The following NF1 variants were observed in gnomAD, a reference collection of about 807,000 sequenced individuals.
NF1 encodes neurofibromin 1, also known as neurofibromin.
NF1 carries 122 observed loss-of-function variants against 325.7 expected under a neutral mutation model. The observed-to-expected ratio is 0.37, with a 90% confidence interval of 0.32 to 0.44. The LOEUF (loss-of-function observed/expected upper bound fraction) is 0.44, where lower values mean the gene tolerates loss of function less well. NF1 is among the 20% of genes least tolerant of loss of function. The probability of loss-of-function intolerance (pLI) is 1.00; values close to 1 mark genes in which losing one functional copy is unlikely to be tolerated. For synonymous variants in NF1, 1,091 were observed against 1,186.0 expected, an observed-to-expected ratio of 0.92 and a Z score of 1.65; for missense variants, 2,140 against 3,415.4, an observed-to-expected ratio of 0.63 and a Z score of 9.31.
intron 36 of NF1, among the ~76,000 whole-genome samples, chr17:31,311,537 C>T (rs1420090470): frequency 6.6e-6 from 1 of 152,182 alleles, no homozygotes; most frequent in Non-Finnish European, 1.5e-5. Flanking sequence ...CATTCTGCAT[C>T]TTGAGGAAAA....
chr17:31,255,794 G>T (rs1236922903), intron 31 of NF1, among the ~76,000 whole-genome samples: 1 of 152,154 alleles, frequency 6.6e-6, no homozygotes, highest in Non-Finnish European at 1.5e-5. Flanking sequence ...TTTCAAAGAA[G>T]TATTTTGTCT....
chr17:31,376,945 A>T lies in NF1; in HGVS notation c.*2790A>T, dbSNP rs2070739582. ...TTCATGACTGAGCCAGGTGCCCAGG[A>T]CACATCCTAAACAGTCAGCTTCTAT... On this transcript the variant is annotated 3_prime_UTR_variant, in exon 58 of 58. Transcript: ENST00000358273. 4.3e-6 allele frequency: 1 copy of T among 233,320 alleles called. No homozygotes were observed. The highest frequency in any genetic ancestry group is 6.0e-5 in the East Asian group (1 of 16,604). 14.5% of individuals were successfully genotyped at this position (233,320 alleles called of 1,614,324 possible).
chr17:31,155,866 G>A (rs2065651109), intron 1 of NF1, 117 bp from the exon 2 acceptor site: 1 of 1,129,564 alleles, frequency 8.9e-7, no homozygotes, highest in Non-Finnish European at 1.3e-6. Flanking sequence ...GCAAGTATAG[G>A]TATCTGTGGT....
intron 2 of NF1, among the ~76,000 whole-genome samples, chr17:31,157,831 C>T (rs982123207): frequency 1.4e-5 from 2 of 147,400 alleles, no homozygotes; most frequent in African/African-American, 5.0e-5. Context: ...CGGGGTGTGG[C>T]GGCATGTGCC....
intron 8 of NF1, among the ~76,000 whole-genome samples, chr17:31,196,853 G>T (rs2066442291): frequency 6.6e-6 from 1 of 151,976 alleles, no homozygotes; most frequent in Non-Finnish European, 1.5e-5. Context: ...TATGTGTGAG[G>T]GTTTCTTTCT....
At chr17:31,182,739 T>C in intron 8 of NF1, 74 bp downstream of exon 8, 1 of 1,393,758 alleles carries the variant, frequency 7.2e-7, no homozygotes, top group Non-Finnish European at 1.0e-6. Flanking sequence ...TGTATTACTT[T>C]AGGCTTATTA....
At chr17:31,133,297 C>T (rs769808596) in intron 1 of NF1, 2 of 152,168 alleles carry the variant, frequency 1.3e-5, no homozygotes, top group Non-Finnish European at 2.9e-5. Context: ...AAGGTTAATC[C>T]ACATTGCAGC....
intron 36 of NF1, chr17:31,317,876 T>C (rs1247379151): frequency 1.2e-5 from 2 of 167,192 alleles, no homozygotes; most frequent in African/African-American, 4.8e-5. Context: ...TCTCTATCTA[T>C]GCATTAGGAA....
At position 31,206,243 on chromosome 17, in the gene NF1, G is replaced by A. The variant is rs786202145; in HGVS notation, c.1264G>A (p.Ala422Thr). 5.0e-6 allele frequency: 8 copies of A among 1,613,320 alleles called. No homozygotes were observed. Among genetic ancestry groups the A allele is most frequent in the Admixed American group, 3.3e-5 (2 of 59,982 alleles). ...NSLHRIITNSALDWWPKIDAV... is the reference protein window; with the variant it reads ...NSLHRIITNSTLDWWPKIDAV... ...ATTGGTCTTTGTTTTTCTCTAGTCC[G>A]CATTGGATTGGTGGCCTAAGATTGA... The change falls in exon 12 of 58, where the codon GCA becomes ACA. Residue 422 changes from alanine (A) to threonine (T), a missense_variant. Physicochemically the swap from Ala to Thr is moderately conservative, Grantham distance 58 (BLOSUM62 0). Around this residue, in one of 10 missense-constraint regions of NF1, gnomAD observed 179 missense variants for 381.0 expected, o/e 0.47. Transcript: ENST00000358273.
intron 15 of NF1, among the ~76,000 whole-genome samples, chr17:31,223,176 A>G (rs2066956579): frequency 1.3e-5 from 2 of 152,168 alleles, no homozygotes; most frequent in South Asian, 4.1e-4. Context: ...TACTACAAGG[A>G]TGAGATACAT....
At chr17:31,286,070 C>A (rs1030914571) in intron 36 of NF1, among the ~76,000 whole-genome samples, 2 of 151,992 alleles carry the variant, frequency 1.3e-5, no homozygotes, top group Non-Finnish European at 2.9e-5. Flanking sequence ...ATTCCTTGAT[C>A]CTTTAAATAA....
intron 38 of NF1, 86 bp downstream of exon 38, chr17:31,327,925 T>C: frequency 1.6e-6 from 2 of 1,248,320 alleles, no homozygotes; most frequent in Non-Finnish European, 2.3e-6. Flanking sequence ...AAACAGCCTC[T>C]ACCTTAATAT....
chr17:31,335,351 AGAACTG>A (rs2069639000), intron 40 of NF1, among the ~76,000 whole-genome samples: 2 of 129,618 alleles, frequency 1.5e-5, no homozygotes, highest in African/African-American at 5.8e-5. Context: ...TATATTATAT[AGAACTG>A]TAGAAATCTG....
chr17:31,320,409 C>G (rs1160443672), intron 36 of NF1: 1 of 1,609,482 alleles, frequency 6.2e-7, no homozygotes, highest in Non-Finnish European at 8.5e-7. Flanking sequence ...GTCTTTGTTT[C>G]CAAACCAACT....
intron 36 of NF1, among the ~76,000 whole-genome samples, chr17:31,302,166 A>C (rs915238380): frequency 6.6e-6 from 1 of 152,188 alleles, no homozygotes; most frequent in African/African-American, 2.4e-5. Flanking sequence ...ACAACATAAA[A>C]ACCCGGCTGC....
chr17:31,246,675 A>G (rs1253552238), intron 29 of NF1, among the ~76,000 whole-genome samples: 5 of 152,154 alleles, frequency 3.3e-5, no homozygotes, highest in African/African-American at 9.7e-5. Context: ...TTAGAGAGTA[A>G]AGGTTTGTGG....
intron 57 of NF1, among the ~76,000 whole-genome samples, chr17:31,366,218 G>C (rs1210631166): frequency 6.6e-6 from 1 of 152,114 alleles, no homozygotes; most frequent in African/African-American, 2.4e-5. Flanking sequence ...ACAGGCATGA[G>C]CCACCGCACC....
chr17:31,218,001 A>T (rs2066852213), intron 13 of NF1, among the ~76,000 whole-genome samples: 1 of 151,348 alleles, frequency 6.6e-6, no homozygotes, highest in African/African-American at 2.4e-5. Context: ...TTCTTTGCTT[A>T]GTACACTATA....
At chr17:31,220,787 T>A (rs1430903845) in intron 14 of NF1, among the ~76,000 whole-genome samples, 1 of 152,100 alleles carries the variant, frequency 6.6e-6, no homozygotes, top group Non-Finnish European at 1.5e-5. Context: ...ATTTTTAAAG[T>A]TTTATCAAAC....
Sources: gnomAD v4.1 joint callset for allele counts (sites outside exome capture counted in the v4.1 genomes callset) on GRCh38, gnomAD v4.1.1 for gene constraint, gnomAD v4.1.1 regional missense constraint, MANE v1.5 for transcripts, NCBI Gene and HGNC (gene_info 2026-07-23, HGNC 2026-07-21) for gene names.